The following CMTM8 variants were observed in gnomAD, a reference collection of about 807,000 sequenced individuals.
CMTM8 encodes CKLF-like MARVEL transmembrane domain-containing protein 8.
CMTM8 carries 12 observed loss-of-function variants against 18.6 expected under a neutral mutation model. That is an observed-to-expected ratio of 0.65 (90% CI 0.41 to 1.05). The LOEUF (loss-of-function observed/expected upper bound fraction) is 1.05. CMTM8 is among the 50% of genes least tolerant of loss of function. The pLI is 0.00. For missense variants in CMTM8, 217 were observed against 227.2 expected (o/e 0.95, Z 0.29); for synonymous variants, 87 against 90.6 (o/e 0.96, Z 0.23).
intron 1 of CMTM8, among the ~76,000 whole-genome samples, chr3:32,289,859 GAT>G (rs1702749407): frequency 2.6e-5 from 4 of 152,218 alleles, no homozygotes; most frequent in Non-Finnish European, 5.9e-5. Flanking sequence ...GGCCAGTCAT[GAT>G]GGTGCACACC....
intron 3 of CMTM8, among the ~76,000 whole-genome samples, chr3:32,368,663 T>C (rs559202032): frequency 6.6e-6 from 1 of 152,284 alleles, no homozygotes; most frequent in East Asian, 1.9e-4. Flanking sequence ...AGTCTCACTA[T>C]GTTGCACAGG....
At chr3:32,366,528 C>T (rs1219496971) in intron 2 of CMTM8, among the ~76,000 whole-genome samples, 1 of 152,180 alleles carries the variant, frequency 6.6e-6, no homozygotes, top group Non-Finnish European at 1.5e-5. Flanking sequence ...GCATGAGAGC[C>T]CTGAAACCCA....
intron 1 of CMTM8, among the ~76,000 whole-genome samples, chr3:32,314,444 C>A (rs1342535996): frequency 6.6e-6 from 1 of 151,282 alleles, no homozygotes; most frequent in Non-Finnish European, 1.5e-5. Context: ...GCAGGTCCTA[C>A]TGGGGAGAGG....
chr3:32,306,274 C>T (rs1482425126), intron 1 of CMTM8, among the ~76,000 whole-genome samples: 2 of 152,146 alleles, frequency 1.3e-5, no homozygotes, highest in African/African-American at 2.4e-5. Context: ...GCCAGGAATC[C>T]AAGGGAGGAG....
At chr3:32,331,320 T>C (rs1332542495) in intron 1 of CMTM8, among the ~76,000 whole-genome samples, 1 of 152,020 alleles carries the variant, frequency 6.6e-6, no homozygotes, top group Non-Finnish European at 1.5e-5. Context: ...AAATAACAAG[T>C]ATTGACAAGA....
At chr3:32,270,613 C>T (rs181002296) in intron 1 of CMTM8, among the ~76,000 whole-genome samples, 43 of 152,188 alleles carry the variant, frequency 2.8e-4, no homozygotes, top group African/African-American at 9.6e-4. Context: ...AGTAAACTAT[C>T]GCAAGGACAA....
chr3:32,239,193 G>T, intron 1 of CMTM8, 74 bp downstream of exon 1: 1 of 1,499,948 alleles, frequency 6.7e-7, no homozygotes, highest in South Asian at 1.2e-5. Flanking sequence ...TGCTTCTCGG[G>T]ATGGAGCCTG....
At chr3:32,240,000 G>A (rs747670556) in intron 1 of CMTM8, among the ~76,000 whole-genome samples, 1 of 152,216 alleles carries the variant, frequency 6.6e-6, no homozygotes, top group Non-Finnish European at 1.5e-5. Context: ...CTGCAGGGCC[G>A]TGCTCATAAC....
intron 1 of CMTM8, among the ~76,000 whole-genome samples, chr3:32,296,981 G>A (rs1702891412): frequency 6.6e-6 from 1 of 152,032 alleles, no homozygotes. Context: ...CTCCCTCCCC[G>A]TGTGTTTGCT....
chr3:32,341,026 C>G lies in CMTM8; in HGVS notation c.148-16347C>G, dbSNP rs115598278. On this transcript the variant is annotated intron_variant, in intron 1 of 3. Coordinates refer to ENST00000307526, the MANE Select transcript of CMTM8 (RefSeq NM_178868.5). The stretch of plus-strand genomic sequence containing the variant: ...CATTGAATTAAGAGCAGCATGCTCT[C>G]TAACTTAGATGTTTAAGCCATCAGA... 6.3e-3 allele frequency among the ~76,000 whole-genome samples: 961 copies of G among 152,370 alleles called. 13 individuals are homozygous for G. Among genetic ancestry groups the G allele is most frequent in the African/African-American group, 0.022 (912 of 41,592 alleles).
At chr3:32,265,458 G>A (rs548803213) in intron 1 of CMTM8, among the ~76,000 whole-genome samples, 5 of 149,460 alleles carry the variant, frequency 3.3e-5, no homozygotes, top group Admixed American at 2.0e-4. Context: ...AAAGCAGTGT[G>A]TAGAGGGAAA....
rs116229217 is a variant in CMTM8, at chr3:32,337,032, G to A, written c.148-20341G>A. 6.2e-3 allele frequency among the ~76,000 whole-genome samples: 950 copies of A among 152,194 alleles called. 9 individuals carry two copies. Among genetic ancestry groups the A allele is most frequent in the African/African-American group, 0.021 (872 of 41,514 alleles). ...GGCATCACATTGCAAGGAGGCTCAC[G>A]AGAGACAGCCAGACTGACTTTTAAA... On this transcript the variant is annotated intron_variant, in intron 1 of 3. Coordinates refer to ENST00000307526, the MANE Select transcript of CMTM8 (RefSeq NM_178868.5).
chr3:32,317,537 A>G (rs1449283400), intron 1 of CMTM8, among the ~76,000 whole-genome samples: 9 of 152,242 alleles, frequency 5.9e-5, no homozygotes, highest in African/African-American at 2.2e-4. Flanking sequence ...AGTCAGTTTA[A>G]CAATAGCCAT....
At chr3:32,352,617 T>C (rs1696732500) in intron 1 of CMTM8, among the ~76,000 whole-genome samples, 2 of 152,140 alleles carry the variant, frequency 1.3e-5, no homozygotes, top group Admixed American at 1.3e-4. Context: ...TACTACAGGG[T>C]CCATTTATAT....
chr3:32,341,600 G>A (rs2125589609), intron 1 of CMTM8, among the ~76,000 whole-genome samples: 1 of 152,324 alleles, frequency 6.6e-6, no homozygotes, highest in South Asian at 2.1e-4. Flanking sequence ...CTTGAGGCCA[G>A]GTGTGGTGGC....
chr3:32,268,338 G>T (rs927617781), intron 1 of CMTM8, among the ~76,000 whole-genome samples: 6 of 152,032 alleles, frequency 3.9e-5, no homozygotes, highest in Admixed American at 3.3e-4. Flanking sequence ...GCAAACCCTC[G>T]CAAGGACAAA....
At chr3:32,254,829 C>T (rs1702156468) in intron 1 of CMTM8, among the ~76,000 whole-genome samples, 1 of 152,138 alleles carries the variant, frequency 6.6e-6, no homozygotes, top group Non-Finnish European at 1.5e-5. Context: ...GTGCAATCAT[C>T]TACACTACAA....
chr3:32,291,652 G>C (rs1702781021), intron 1 of CMTM8, among the ~76,000 whole-genome samples: 1 of 152,242 alleles, frequency 6.6e-6, no homozygotes, highest in South Asian at 2.1e-4. Context: ...ACAGGGATGA[G>C]TAGTAGCCAC....
At chr3:32,366,225 C>G (rs921612235) in intron 2 of CMTM8, among the ~76,000 whole-genome samples, 1 of 152,200 alleles carries the variant, frequency 6.6e-6, no homozygotes, top group South Asian at 2.1e-4. Context: ...CTACTCACGT[C>G]TCTACCAACC....
Sources: allele counts gnomAD v4.1 joint callset (sites outside exome capture counted in the v4.1 genomes callset), GRCh38; gene constraint gnomAD v4.1.1; transcripts MANE v1.5; gene names NCBI Gene and HGNC (gene_info 2026-07-23, HGNC 2026-07-21).